Variants in CCDC170 observed in about 807,000 individuals in gnomAD.
CCDC170 encodes coiled-coil domain containing 170.
In CCDC170, 69 loss-of-function variants were observed where a neutral mutation model predicts 72.6. The observed-to-expected ratio is 0.95, with a 90% CI of 0.78 to 1.16. The LOEUF (loss-of-function observed/expected upper bound fraction) is 1.16, where lower values mean the gene tolerates loss of function less well. Among genes scored for constraint, CCDC170 ranks in the 50% most tolerant of loss-of-function variants. The pLI, the probability that CCDC170 is intolerant of heterozygous loss-of-function variation, is 0.00. For missense variants in CCDC170, 852 were observed against 832.5 expected, an observed-to-expected ratio of 1.02 and a Z score of -0.29; for synonymous variants, 300 against 303.9, an observed-to-expected ratio of 0.99 and a Z score of 0.13.
At chr6:151,504,440 TA>T (rs1031494865) in intron 1 of CCDC170, among the ~76,000 whole-genome samples, 7 of 150,148 alleles carry the variant, frequency 4.7e-5, no homozygotes, top group African/African-American at 1.5e-4. Context: ...ATTTTACCAA[TA>T]AAAAATAATT....
At position 151,568,042 on chromosome 6, in the gene CCDC170, G is replaced by A. The variant is rs192570159; in HGVS notation, c.775-5132G>A. ...GGAGAATCGCTTGAACCCGGGAGGC[G>A]GAGGTTGCAGTGAGCTGAAATCATG... On this transcript the variant is annotated intron_variant, in intron 5 of 10. Coordinates refer to ENST00000239374, the MANE Select transcript of CCDC170 (RefSeq NM_025059.4). Among the ~76,000 whole-genome samples the A allele has an allele frequency of 6.5e-4, 96 of 147,836 alleles. 1 individual carries two copies. The East Asian group carries it at 0.017, about 27-fold the overall frequency.
intron 10 of CCDC170, among the ~76,000 whole-genome samples, chr6:151,616,472 T>TC (rs1222553566): frequency 1.3e-4 from 20 of 152,018 alleles, no homozygotes; most frequent in Non-Finnish European, 2.9e-4. Context: ...GATTTTTTTT[T>TC]CCCTGCTTTG....
In CCDC170 at chr6:151,593,141, T is replaced by C; in HGVS notation, c.1328T>C (p.Met443Thr). 1 of 1,614,194 alleles carries C rather than the reference T, an allele frequency of 6.2e-7. No individual in the cohort carries two copies. Among genetic ancestry groups the C allele is most frequent in the Non-Finnish European group, 8.5e-7 (1 of 1,180,038 alleles). The change falls in exon 8 of 11, where the codon ATG (methionine) becomes ACG (threonine). Residue 443 changes from methionine to threonine, a missense_variant. Coordinates refer to ENST00000239374, the MANE Select transcript of CCDC170 (RefSeq NM_025059.4). ...TTTCTGGATCAGCTTTCTCAGAAAA[T>C]GAAGTTGGACCAGATGGCTGCCGAA... ...LKFLDQLSQK[M>T]KLDQMAAELG...
intron 1 of CCDC170, among the ~76,000 whole-genome samples, chr6:151,533,052 C>CTT (rs58383930): frequency 1.6e-4 from 19 of 118,000 alleles, no homozygotes; most frequent in African/African-American, 3.0e-4. Context: ...GACTATTTCT[C>CTT]TTTTTTTTTT....
intron 1 of CCDC170, among the ~76,000 whole-genome samples, chr6:151,527,136 A>C (rs1782423762): frequency 7.1e-6 from 1 of 140,746 alleles, no homozygotes; most frequent in Non-Finnish European, 1.5e-5. Context: ...GCCTCAAGTG[A>C]TCCACCTGCC....
intron 5 of CCDC170, among the ~76,000 whole-genome samples, chr6:151,556,805 G>A (rs919948622): frequency 1.1e-4 from 16 of 139,790 alleles, no homozygotes; most frequent in African/African-American, 4.4e-4. Context: ...CACCCTACTC[G>A]CTGACAAACA....
At chr6:151,527,157 A>G (rs974862412) in intron 1 of CCDC170, among the ~76,000 whole-genome samples, 1 of 144,216 alleles carries the variant, frequency 6.9e-6, no homozygotes, top group Non-Finnish European at 1.5e-5. Flanking sequence ...TCAGCCTCCC[A>G]AAGTGCTGGG....
chr6:151,575,274 A>C (rs1022131296), intron 6 of CCDC170, among the ~76,000 whole-genome samples: 1 of 151,922 alleles, frequency 6.6e-6, no homozygotes, highest in African/African-American at 2.4e-5. Context: ...GTTACTAAAA[A>C]ACTCAGAAGA....
chr6:151,494,272 T>A, intron 1 of CCDC170, 87 bp downstream of exon 1: 1 of 1,316,134 alleles, frequency 7.6e-7, no homozygotes, highest in Non-Finnish European at 1.0e-6. Flanking sequence ...ATTTGCACCC[T>A]TTTCCTCCCG....
rs1419221530 is a variant in CCDC170, at chr6:151,573,269, C to T, written c.870C>T (p.Ala290=). Reference sequence around the variant, plus strand: ...TTGCTGGCCAGCAGGTCTGGGATGCCTCAAAGCAGGAAGTGAGCCTCCTGA... The same window carrying T: ...TTGCTGGCCAGCAGGTCTGGGATGCTTCAAAGCAGGAAGTGAGCCTCCTGA... ...RLLAGQQVWD[A]SKQEVSLLKK... Residue 290 remains alanine, a synonymous_variant, in exon 6 of 11, where the codon GCC becomes GCT. Coordinates refer to ENST00000239374, the MANE Select transcript of CCDC170 (RefSeq NM_025059.4). The T allele has an allele frequency of 1.9e-6, 3 of 1,614,138 alleles. No individual in the cohort carries two copies. The highest frequency in any genetic ancestry group is 1.1e-5 in the South Asian group (1 of 91,082).
intron 3 of CCDC170, among the ~76,000 whole-genome samples, chr6:151,543,302 C>CT (rs1324559505): frequency 2.6e-5 from 4 of 152,024 alleles, no homozygotes; most frequent in Non-Finnish European, 5.9e-5. Context: ...TCCTAATGCT[C>CT]TTTTTTTCCT....
chr6:151,612,234 C>T (rs968930812), intron 9 of CCDC170, among the ~76,000 whole-genome samples: 1 of 152,062 alleles, frequency 6.6e-6, no homozygotes, highest in Non-Finnish European at 1.5e-5. Context: ...AGAACAGGCT[C>T]ACTTGTGCCA....
chr6:151,560,863 A>G (rs188905096), intron 5 of CCDC170, among the ~76,000 whole-genome samples: 55 of 152,174 alleles, frequency 3.6e-4, no homozygotes, highest in Admixed American at 2.6e-4. Context: ...TACATGCAAG[A>G]TGGGTCTCTA....
At chr6:151,569,443 C>CT (rs1776187491) in intron 5 of CCDC170, among the ~76,000 whole-genome samples, 1 of 152,164 alleles carries the variant, frequency 6.6e-6, no homozygotes, top group Non-Finnish European at 1.5e-5. Context: ...CAGACTGAAC[C>CT]TAAAGACTTA....
In CCDC170 at chr6:151,544,796, GT is replaced by G; in HGVS notation, c.588+83del. On this transcript the variant is annotated intron_variant, in intron 4 of 10. Coordinates refer to ENST00000239374, the MANE Select transcript of CCDC170 (RefSeq NM_025059.4). ...GCATGAAAGGAAGTGCTGTGGTTGA[GT>G]TTGGGGGTGGCAGGAGAATGGCACA... The G allele has an allele frequency of 7.6e-6, 11 of 1,443,392 alleles. 1 individual carries two copies. In the South Asian group the frequency reaches 1.5e-4, roughly 19 times the overall value. The allele number at this position is 1,443,392 out of a possible 1,614,324, so 89.4% of individuals were successfully genotyped here.
At chr6:151,555,847 C>T (rs1010318629) in intron 5 of CCDC170, among the ~76,000 whole-genome samples, 1 of 152,176 alleles carries the variant, frequency 6.6e-6, no homozygotes. Context: ...ACTTTTCTTA[C>T]TTGAACCCTC....
At chr6:151,497,504 G>A (rs1220011088) in intron 1 of CCDC170, among the ~76,000 whole-genome samples, 1 of 152,144 alleles carries the variant, frequency 6.6e-6, no homozygotes, top group Non-Finnish European at 1.5e-5. Flanking sequence ...TACCTATAAT[G>A]CGATCACCAG....
At chr6:151,556,669 T>G (rs1422795291) in intron 5 of CCDC170, among the ~76,000 whole-genome samples, 4 of 151,774 alleles carry the variant, frequency 2.6e-5, no homozygotes, top group Admixed American at 1.3e-4. Flanking sequence ...ATAGAATGTG[T>G]AAGGATGAAG....
At chr6:151,596,087 CAG>C (rs1213385711) in intron 8 of CCDC170, among the ~76,000 whole-genome samples, 2 of 152,084 alleles carry the variant, frequency 1.3e-5, no homozygotes, top group African/African-American at 4.8e-5. Context: ...TAGAGAGCAT[CAG>C]ATGTGGAAAG....
Sources: gnomAD v4.1 joint callset for allele counts (sites outside exome capture counted in the v4.1 genomes callset) on GRCh38, gnomAD v4.1.1 for gene constraint, MANE v1.5 for transcripts, NCBI Gene and HGNC (gene_info 2026-07-23, HGNC 2026-07-21) for gene names.